HS3ST4: variants seen among roughly 807,000 people sequenced by gnomAD.
HS3ST4 encodes heparan sulfate-glucosamine 3-sulfotransferase 4, also known as heparan sulfate glucosamine 3-O-sulfotransferase 4.
In HS3ST4, 17 loss-of-function variants were observed where a neutral mutation model predicts 29.2. The observed-to-expected ratio is 0.58, with a 90% CI of 0.40 to 0.87. The LOEUF is 0.87. Ranked by LOEUF, HS3ST4 falls within the 40% of genes least tolerant of loss-of-function variation. The pLI, the probability that HS3ST4 is intolerant of heterozygous loss-of-function variation, is 0.00. For synonymous variants in HS3ST4, 314 were observed against 285.7 expected (o/e 1.10, Z -1.00); for missense variants, 627 against 634.5 (o/e 0.99, Z 0.13).
chr16:25,929,955 A>G (rs1968446898), intron 1 of HS3ST4, among the ~76,000 whole-genome samples: 3 of 152,030 alleles, frequency 2.0e-5, no homozygotes, highest in African/African-American at 2.4e-5. Context: ...CCCTCCTTCC[A>G]TCCTCCACCC....
chr16:26,013,212 A>AC (rs1421306706), intron 1 of HS3ST4, among the ~76,000 whole-genome samples: 5 of 151,774 alleles, frequency 3.3e-5, no homozygotes, highest in Non-Finnish European at 5.9e-5. Context: ...CACCAAAAAA[A>AC]CAAAACAAAC....
chr16:26,061,449 T>A (rs552220624), intron 1 of HS3ST4, among the ~76,000 whole-genome samples: 1 of 152,312 alleles, frequency 6.6e-6, no homozygotes, highest in East Asian at 1.9e-4. Context: ...AAACTCTCTT[T>A]GACCTCCACC....
At chr16:25,751,089 G>A (rs1221093604) in intron 1 of HS3ST4, among the ~76,000 whole-genome samples, 2 of 152,136 alleles carry the variant, frequency 1.3e-5, no homozygotes, top group Non-Finnish European at 2.9e-5. Context: ...AATTGATGAG[G>A]AATGCTTAAA....
At chr16:25,901,622 C>T (rs1462021772) in intron 1 of HS3ST4, among the ~76,000 whole-genome samples, 2 of 152,100 alleles carry the variant, frequency 1.3e-5, no homozygotes, top group East Asian at 1.9e-4. Flanking sequence ...TGCAATGAGC[C>T]GAGATCGTGC....
chr16:25,873,564 C>A (rs1967791233), intron 1 of HS3ST4, among the ~76,000 whole-genome samples: 1 of 151,060 alleles, frequency 6.6e-6, no homozygotes, highest in Non-Finnish European at 1.5e-5. Flanking sequence ...GTCTATACAT[C>A]CATCCACCCA....
chr16:25,763,769 A>T (rs1157490168), intron 1 of HS3ST4, among the ~76,000 whole-genome samples: 31 of 152,218 alleles, frequency 2.0e-4, no homozygotes, highest in Non-Finnish European at 4.4e-5. Context: ...AGATGCCACC[A>T]CATATAAACA....
intron 1 of HS3ST4, among the ~76,000 whole-genome samples, chr16:26,132,129 G>A (rs1256810353): frequency 6.6e-6 from 1 of 152,150 alleles, no homozygotes. Flanking sequence ...TGGTAGCTTA[G>A]TGGAGGAAGG....
intron 1 of HS3ST4, among the ~76,000 whole-genome samples, chr16:26,022,968 G>A (rs1011343469): frequency 3.3e-5 from 5 of 152,142 alleles, no homozygotes; most frequent in Non-Finnish European, 7.4e-5. Context: ...CTTGAATCCA[G>A]GAGGCGGAGG....
At chr16:25,705,534 A>G (rs1966370443) in intron 1 of HS3ST4, among the ~76,000 whole-genome samples, 1 of 152,098 alleles carries the variant, frequency 6.6e-6, no homozygotes, top group South Asian at 2.1e-4. Flanking sequence ...GCGTGGTGGC[A>G]CGCACCTGTA....
rs115680302 is a variant in HS3ST4 at position 25,943,991 on chromosome 16, A to G, written c.735-191621A>G. Among the ~76,000 whole-genome samples the G allele has an allele frequency of 4.9e-3, 744 of 152,246 alleles. 10 individuals are homozygous for G. The highest frequency in any genetic ancestry group is 0.016 in the African/African-American group (663 of 41,532). On this transcript the variant is annotated intron_variant, in intron 1 of 1. Transcript: ENST00000331351. ...TCTTTAAATGTGCCTAGTGTCAGCA[A>G]TGATTCTGGGGAAATCTTTCTTTAA...
chr16:25,844,926 C>A (rs1173025171), intron 1 of HS3ST4, among the ~76,000 whole-genome samples: 2 of 152,114 alleles, frequency 1.3e-5, no homozygotes, highest in East Asian at 3.9e-4. Context: ...AAGCCATTAT[C>A]CTCAGCAAAC....
At chr16:26,051,898 C>T (rs1468945620) in intron 1 of HS3ST4, among the ~76,000 whole-genome samples, 3 of 135,448 alleles carry the variant, frequency 2.2e-5, no homozygotes, top group East Asian at 2.3e-4. Flanking sequence ...CCCTCCCTCC[C>T]TCCCTCCCTC....
intron 1 of HS3ST4, among the ~76,000 whole-genome samples, chr16:25,995,471 A>G (rs905245554): frequency 3.3e-5 from 5 of 152,198 alleles, no homozygotes; most frequent in Admixed American, 2.6e-4. Flanking sequence ...CAGGTTAGCT[A>G]ACAAGTGGAA....
At chr16:25,777,862 C>T (rs1470456924) in intron 1 of HS3ST4, among the ~76,000 whole-genome samples, 2 of 150,972 alleles carry the variant, frequency 1.3e-5, no homozygotes, top group East Asian at 3.9e-4. Context: ...ATATAGAATG[C>T]CTTCTGGTGA....
chr16:26,114,052 G>A (rs1283091098), intron 1 of HS3ST4, among the ~76,000 whole-genome samples: 1 of 152,142 alleles, frequency 6.6e-6, no homozygotes, highest in Non-Finnish European at 1.5e-5. Flanking sequence ...GGGAAGGGAA[G>A]GCCATTTCAA....
At chr16:25,828,248 CTTTCTTTCTTTCTTT>C (rs1967245610) in intron 1 of HS3ST4, among the ~76,000 whole-genome samples, 1 of 60,456 alleles carries the variant, frequency 1.7e-5, no homozygotes, top group Non-Finnish European at 3.3e-5. Flanking sequence ...CTTTCTCTTT[CTTTCTTTCTTTCTTT>C]CTTTCTTTCT....
At chr16:25,802,668 T>C (rs966279721) in intron 1 of HS3ST4, among the ~76,000 whole-genome samples, 1 of 152,138 alleles carries the variant, frequency 6.6e-6, no homozygotes, top group African/African-American at 2.4e-5. Context: ...TGTAGATTAC[T>C]GTTTAAGGAC....
chr16:25,935,065 T>C lies in HS3ST4; in HGVS notation c.735-200547T>C, dbSNP rs114884968. ...GATAGTTTTATAAGTGTCTGGCATT[T>C]CCCCTGCTTGCTTTCTCTCTCTCCT... is the stretch of plus-strand genomic sequence containing the variant. On this transcript the variant is annotated intron_variant, in intron 1 of 1. Coordinates refer to ENST00000331351, the MANE Select transcript of HS3ST4 (RefSeq NM_006040.3). Among the ~76,000 whole-genome samples, 1,015 of 152,236 alleles carry C rather than the reference T, an allele frequency of 6.7e-3. 14 individuals carry two copies. The highest frequency in any genetic ancestry group is 0.023 in the African/African-American group (971 of 41,522).
intron 1 of HS3ST4, among the ~76,000 whole-genome samples, chr16:25,881,627 C>A (rs890358380): frequency 6.6e-6 from 1 of 152,094 alleles, no homozygotes; most frequent in South Asian, 2.1e-4. Flanking sequence ...CTCCTGCAGT[C>A]TCTTATCATC....
Sources: gnomAD v4.1 joint callset for allele counts (sites outside exome capture counted in the v4.1 genomes callset) on GRCh38, gnomAD v4.1.1 for gene constraint, MANE v1.5 for transcripts, NCBI Gene and HGNC (gene_info 2026-07-23, HGNC 2026-07-21) for gene names.